The following GNPAT variants were observed in gnomAD, a reference collection of about 807,000 sequenced individuals.
GNPAT encodes the protein glyceronephosphate O-acyltransferase.
GNPAT carries 30 observed loss-of-function variants against 78.4 expected under a neutral mutation model. That is an observed-to-expected ratio of 0.38 (90% confidence interval 0.29 to 0.52). The LOEUF is 0.52. Among genes scored for constraint, GNPAT ranks in the 20% least tolerant of loss-of-function variants. GNPAT has a pLI of 0.84. For missense variants in GNPAT, 714 were observed against 812.2 expected (o/e 0.88, Z 1.47); for synonymous variants, 271 against 281.1 (o/e 0.96, Z 0.36).
At chr1:231,265,939 T>A in intron 6 of GNPAT, 75 bp from the exon 7 acceptor site, 1 of 1,240,392 alleles carries the variant, frequency 8.1e-7, no homozygotes, top group Non-Finnish European at 1.2e-6. Context: ...ATGCTTTTAG[T>A]ATTTTCCGTT....
intron 4 of GNPAT, among the ~76,000 whole-genome samples, chr1:231,263,992 C>T (rs1043026411): frequency 6.6e-6 from 1 of 152,138 alleles, no homozygotes; most frequent in African/African-American, 2.4e-5. Context: ...ATATTCACCC[C>T]TTATCAGACA....
Position 231,272,746 on chromosome 1 carries a change from G to A in GNPAT, c.1602+355G>A, listed in dbSNP as rs556465563. Among the ~76,000 whole-genome samples, 18 of 152,252 alleles carry A rather than the reference G, an allele frequency of 1.2e-4. No individual in the cohort carries two copies. The South Asian group carries it at 1.9e-3, about 16-fold the overall frequency. On this transcript the variant is annotated intron_variant, in intron 11 of 15. Transcript: ENST00000366647. ...AGCACTTTGGGAGGCCGAGGCAGGCGGATCACGAGGTCAAGAGATCGAGAC... is the reference window on the plus strand; with the variant it reads ...AGCACTTTGGGAGGCCGAGGCAGGCAGATCACGAGGTCAAGAGATCGAGAC...
At chr1:231,266,915 A>G (rs1007298600) in intron 8 of GNPAT, among the ~76,000 whole-genome samples, 1 of 152,246 alleles carries the variant, frequency 6.6e-6, no homozygotes, top group East Asian at 1.9e-4. Flanking sequence ...GGAGAAATAT[A>G]CCTGGACAAG....
intron 2 of GNPAT, among the ~76,000 whole-genome samples, chr1:231,257,818 C>T (rs979013294): frequency 6.6e-6 from 1 of 152,308 alleles, no homozygotes; most frequent in East Asian, 1.9e-4. Flanking sequence ...GTCCCACATA[C>T]ACCTCAGAAT....
At position 231,241,268 on chromosome 1, in the gene GNPAT, C is replaced by T. The variant is rs1684589764; in HGVS notation, c.-111C>T. ...CCTGTGTAGCGGCTGCAGAGGGTGC[C>T]GCCGCCCTAGGCGAAGTAGGGCCGT... On this transcript the variant is annotated 5_prime_UTR_variant, in exon 1 of 16. Transcript: ENST00000366647. 3 of 1,416,846 alleles carry T rather than the reference C, an allele frequency of 2.1e-6. No homozygotes were observed. Among genetic ancestry groups the T allele is most frequent in the Admixed American group, 1.7e-5 (1 of 59,716 alleles). 87.8% of individuals were successfully genotyped at this position (1,416,846 alleles called of 1,614,324 possible).
chr1:231,266,424 A>T lies in GNPAT; in HGVS notation c.1055+17A>T, dbSNP rs776933016. The T allele has an allele frequency of 4.4e-6, 7 of 1,608,812 alleles. No individual in the cohort carries two copies. The African/African-American group carries it at 9.4e-5, about 22-fold the overall frequency. On this transcript the variant is annotated intron_variant, in intron 8 of 15. Transcript: ENST00000366647. ...GGTTCCAAGGTGTGACCTGTGTTTT[A>T]ATAACTGTCTTAGAAATGAGGATTA...
chr1:231,252,047 A>C (rs1032729059), intron 2 of GNPAT, among the ~76,000 whole-genome samples: 1 of 152,216 alleles, frequency 6.6e-6, no homozygotes, highest in Admixed American at 6.5e-5. Context: ...ATTGTATTTT[A>C]TCCTAGTACA....
chr1:231,277,674 A>C lies in GNPAT; in HGVS notation c.*132A>C. ...CTGAGACTCTGAGAACAGTGGACGC[A>C]GAGGGAAGAGATGATCATTGGAAGC... On this transcript the variant is annotated 3_prime_UTR_variant, in exon 16 of 16. Transcript: ENST00000366647. The C allele has an allele frequency of 5.8e-6, 4 of 692,516 alleles. No homozygotes were observed. The highest frequency in any genetic ancestry group is 1.1e-5 in the Non-Finnish European group (4 of 376,738). 42.9% of individuals were successfully genotyped at this position (692,516 alleles called of 1,614,324 possible).
intron 2 of GNPAT, 78 bp downstream of exon 2, chr1:231,251,221 C>T (rs1684885422): frequency 4.8e-6 from 4 of 828,534 alleles, no homozygotes; most frequent in African/African-American, 1.7e-5. Context: ...TATTTTGCTA[C>T]TTTAATATAT....
At chr1:231,269,359 G>A (rs921426758) in intron 9 of GNPAT, among the ~76,000 whole-genome samples, 2 of 152,158 alleles carry the variant, frequency 1.3e-5, no homozygotes, top group East Asian at 3.9e-4. Flanking sequence ...TGGCCCAGAT[G>A]GGGTGGTGGG....
In GNPAT at chr1:231,241,280, C is replaced by A; in HGVS notation, c.-99C>A. 7.2e-7 allele frequency: 1 copy of A among 1,396,596 alleles called. No homozygotes were observed. Among genetic ancestry groups the A allele is most frequent in the African/African-American group, 1.4e-5 (1 of 70,556 alleles). The allele number at this position is 1,396,596 out of a possible 1,614,324, so 86.5% of individuals were successfully genotyped here. A position where few individuals can be genotyped will look rare whatever the true frequency, so the allele number is the denominator to read the frequency against. ...CTGCAGAGGGTGCCGCCGCCCTAGG[C>A]GAAGTAGGGCCGTCCTGAGCGAAAG... On this transcript the variant is annotated 5_prime_UTR_variant, in exon 1 of 16. Coordinates refer to ENST00000366647, the MANE Select transcript of GNPAT (RefSeq NM_014236.4).
intron 2 of GNPAT, among the ~76,000 whole-genome samples, chr1:231,253,011 C>A (rs1471970885): frequency 6.6e-6 from 1 of 152,154 alleles, no homozygotes; most frequent in African/African-American, 2.4e-5. Context: ...CTCTGTTGCC[C>A]AGGCTGGAGT....
chr1:231,270,615 T>C, intron 9 of GNPAT, 143 bp from the exon 10 acceptor site: 1 of 808,092 alleles, frequency 1.2e-6, no homozygotes. Context: ...AGATTTGGTA[T>C]CATTACCGTA....
intron 15 of GNPAT, 71 bp downstream of exon 15, chr1:231,276,267 G>C: frequency 1.3e-6 from 1 of 763,292 alleles, no homozygotes; most frequent in South Asian, 1.5e-5. Flanking sequence ...GTATACTGTG[G>C]CACCAAATAC....
chr1:231,275,045 G>A lies in GNPAT; in HGVS notation c.1744-176G>A, dbSNP rs1685671322. 2.2e-5 allele frequency: 13 copies of A among 598,950 alleles called. No homozygotes were observed. The South Asian group carries it at 2.2e-4, about 10-fold the overall frequency. The allele number at this position is 598,950 out of a possible 1,614,324, so 37.1% of individuals were successfully genotyped here. A position where few individuals can be genotyped will look rare whatever the true frequency, so the allele number is the denominator to read the frequency against. ...CTAATTGTAAAATGTAAACTCAAAG[G>A]AGATGCCCTAAAAATTCTTTGGTTT... is the stretch of plus-strand genomic sequence containing the variant. On this transcript the variant is annotated intron_variant, in intron 12 of 15. Transcript: ENST00000366647.
Position 231,241,219 on chromosome 1 carries a change from G to C in GNPAT, c.-160G>C, listed in dbSNP as rs1684584659. 2 of 1,525,322 alleles carry C rather than the reference G, an allele frequency of 1.3e-6. No individual in the cohort carries two copies. Among genetic ancestry groups the C allele is most frequent in the African/African-American group, 1.4e-5 (1 of 73,008 alleles). 94.5% of individuals were successfully genotyped at this position (1,525,322 alleles called of 1,614,324 possible). ...CAGGGCCCTGCGCGGCTTCCGTCCT[G>C]GCTGAGATGGCGGCGCCCGGGATCC... On this transcript the variant is annotated 5_prime_UTR_variant, in exon 1 of 16. Transcript: ENST00000366647.
intron 15 of GNPAT, 83 bp from the exon 16 acceptor site, chr1:231,277,415 CT>C: frequency 1.2e-6 from 1 of 847,156 alleles, no homozygotes; most frequent in Non-Finnish European, 2.1e-6. Flanking sequence ...AGCTTCTCCC[CT>C]GGACAGTCGC....
chr1:231,256,527 C>T (rs137903794), intron 2 of GNPAT, among the ~76,000 whole-genome samples: 3,062 of 114,998 alleles, frequency 0.027, 43 homozygotes, highest in Middle Eastern at 0.16. Flanking sequence ...TGCTCTGTTG[C>T]CCAGGCTGGA....
intron 2 of GNPAT, 90 bp downstream of exon 2, chr1:231,251,233 CT>C: frequency 4.0e-6 from 3 of 753,872 alleles, no homozygotes; most frequent in Non-Finnish European, 6.8e-6. Flanking sequence ...TTAATATATC[CT>C]TTTAGGCTGA....
Sources: allele counts gnomAD v4.1 joint callset (sites outside exome capture counted in the v4.1 genomes callset), GRCh38; gene constraint gnomAD v4.1.1; transcripts MANE v1.5; gene names NCBI Gene and HGNC (gene_info 2026-07-23, HGNC 2026-07-21).